ABCA7: variants seen among roughly 807,000 people sequenced by gnomAD.
ABCA7 encodes the protein phospholipid-transporting ATPase ABCA7.
In ABCA7, 261 loss-of-function variants were observed where a neutral mutation model predicts 227.6. The ratio of observed to expected loss-of-function variants is 1.15; its 90% CI spans 1.04 to 1.27. ABCA7 has a LOEUF of 1.27. ABCA7 is among the 50% of genes most tolerant of loss of function. ABCA7 has a pLI of 0.00. For synonymous variants in ABCA7, 1,488 were observed against 1,279.7 expected, an observed-to-expected ratio of 1.16 and a Z score of -3.47; for missense variants, 3,331 against 2,924.5, an observed-to-expected ratio of 1.14 and a Z score of -3.21.
At chr19:1,055,460 G>A in intron 30 of ABCA7, 109 bp downstream of exon 30, 1 of 1,331,658 alleles carries the variant, frequency 7.5e-7, no homozygotes, top group Non-Finnish European at 9.9e-7. Context: ...TGCCCAGCTT[G>A]GGGCTACGGG....
intron 40 of ABCA7, among the ~76,000 whole-genome samples, chr19:1,060,207 A>ATATTTTTTTTTTTT: frequency 1.0e-5 from 1 of 96,770 alleles, no homozygotes; most frequent in African/African-American, 3.5e-5. Context: ...ATATATATAT[A>ATATTTTTTTTTTTT]TTTTTTTTTC....
chr19:1,056,370 T>G lies in ABCA7; in HGVS notation c.4457T>G (p.Phe1486Cys). 1 of 1,613,402 alleles carries G rather than the reference T, an allele frequency of 6.2e-7. No homozygotes were observed. The highest frequency in any genetic ancestry group is 8.5e-7 in the Non-Finnish European group (1 of 1,179,974). Residue 1486 changes from phenylalanine to cysteine, a missense_variant, in exon 33 of 47, where the codon TTT (phenylalanine) becomes TGT (cysteine). Physicochemically the swap from Phe to Cys is radical, Grantham distance 205. Coordinates refer to ENST00000263094, the MANE Select transcript of ABCA7 (RefSeq NM_019112.4). The surrounding 1 kb of genome is among the most constrained non-coding windows in gnomAD (Gnocchi z 4.3). ...NNKGWHSMVA[F>C]VNRASNAILR... is the part of the protein sequence containing the mutation. ...AAAGGCTGGCACTCCATGGTGGCCT[T>G]TGTCAACCGAGCCAGCAACGCAATC...
Position 1,048,947 on chromosome 19 carries a change from G to A in ABCA7, c.2322G>A (p.Trp774Ter), listed in dbSNP as rs1245173863. Reference protein sequence around the residue: ...PWNFPFRRSYWCGPRPPKSPA... With the variant: ...PWNFPFRRSY ...ATTTTCCTTTTCGGAGGAGCTACTG[G>A]TGCGGACCTCGGCCCCCCAAGAGTC... The change falls in exon 17 of 47, where the codon TGG becomes TGA. Residue 774 changes from tryptophan to a stop codon, truncating the protein, a stop_gained. Transcript: ENST00000263094. LOFTEE classifies it high-confidence loss of function. The A allele has an allele frequency of 1.2e-6, 2 of 1,609,972 alleles. No homozygotes were observed. Among genetic ancestry groups the A allele is most frequent in the Admixed American group, 3.3e-5 (2 of 59,716 alleles).
chr19:1,051,156 C>G lies in ABCA7; in HGVS notation c.2686C>G (p.Leu896Val), dbSNP rs968081175. 31 of 1,611,180 alleles carry G rather than the reference C, an allele frequency of 1.9e-5. No individual in the cohort carries two copies. The highest frequency in any genetic ancestry group is 2.6e-5 in the Non-Finnish European group (31 of 1,179,926). Residue 896 changes from leucine to valine, a missense_variant and splice_region_variant, in exon 20 of 47, where the codon CTG becomes GTG. By Grantham distance (32) the Leu-to-Val change is conservative (BLOSUM62 1). Coordinates refer to ENST00000263094, the MANE Select transcript of ABCA7 (RefSeq NM_019112.4). ...CTCTGCTCTGTGCACTGGCCGCAGG[C>G]TGACCGTGGACGAGCACGTCTGGTT... is the stretch of plus-strand genomic sequence containing the variant. ...CPQYNVLFDMLTVDEHVWFYG... is the reference protein window; with the variant it reads ...CPQYNVLFDMVTVDEHVWFYG...
In ABCA7 at chr19:1,056,244, G is replaced by A. The variant is rs903942469; in HGVS notation, c.4416+1G>A. ...CCTGGATGCTCAGGACAGTCTCAAG[G>A]TGGGAACTGGGGGGGCAGGTGGGCG... is the stretch of plus-strand genomic sequence containing the variant. On this transcript the variant is annotated splice_donor_variant, in intron 32 of 46. Transcript: ENST00000263094. LOFTEE classifies it high-confidence loss of function. This position sits in a 1 kb window ranked among gnomAD's most constrained non-coding sequence, Gnocchi z 4.3. The A allele has an allele frequency of 1.3e-6, 2 of 1,592,310 alleles. No individual in the cohort carries two copies. Among genetic ancestry groups the A allele is most frequent in the South Asian group, 1.1e-5 (1 of 89,414 alleles).
rs771798639 is a variant in ABCA7 at position 1,043,768 on chromosome 19, G to C, written c.974G>C (p.Arg325Pro). 1 of 1,613,128 alleles carries C rather than the reference G, an allele frequency of 6.2e-7. No individual in the cohort carries two copies. Among genetic ancestry groups the C allele is most frequent in the South Asian group, 1.1e-5 (1 of 91,058 alleles). The change falls in exon 10 of 47, where the codon CGG becomes CCG. Residue 325 changes from arginine to proline, a missense_variant. Transcript: ENST00000263094. ...GAGCTCACCCTGCTGAGGGATGTCCGGGAGGTGTGGGAGATGCTGGGACCC... is the reference window on the plus strand; with the variant it reads ...GAGCTCACCCTGCTGAGGGATGTCCCGGAGGTGTGGGAGATGCTGGGACCC... ...FEELTLLRDVREVWEMLGPRI... is the reference protein window; with the variant it reads ...FEELTLLRDVPEVWEMLGPRI...
intron 16 of ABCA7, among the ~76,000 whole-genome samples, chr19:1,048,121 C>A (rs1287478886): frequency 6.6e-6 from 1 of 151,276 alleles, no homozygotes; most frequent in Non-Finnish European, 1.5e-5. Context: ...TCACTCGAGC[C>A]CAGGAGGTTG....
chr19:1,047,992 C>T (rs903978738), intron 16 of ABCA7, among the ~76,000 whole-genome samples: 1 of 151,760 alleles, frequency 6.6e-6, no homozygotes, highest in Non-Finnish European at 1.5e-5. Context: ...AGTTTGAGAC[C>T]AGGCTGGGCA....
rs1170993030 is a variant in ABCA7, at chr19:1,064,974, A to G, written c.6088A>G (p.Arg2030Gly). 1 of 1,553,132 alleles carries G rather than the reference A, an allele frequency of 6.4e-7. No individual in the cohort carries two copies. Among genetic ancestry groups the G allele is most frequent in the East Asian group, 2.4e-5 (1 of 41,068 alleles). The part of the protein sequence containing the change: ...HTLTLRVPAA[R>G]SQPAAAFVAA... ...ACTGACCCTGCGGGTGCCCGCCGCAAGGTCCCAGCCGGCAGCGGCCTTCGT... is the reference window on the plus strand; with the variant it reads ...ACTGACCCTGCGGGTGCCCGCCGCAGGGTCCCAGCCGGCAGCGGCCTTCGT... Residue 2030 changes from arginine (R) to glycine (G), a missense_variant, in exon 46 of 47, where the codon AGG becomes GGG. By Grantham distance (125) the Arg-to-Gly change is moderately radical (BLOSUM62 -2). Transcript: ENST00000263094.
rs763592674 is a variant in ABCA7 at position 1,056,085 on chromosome 19, G to A, written c.4258G>A (p.Gly1420Arg). The A allele has an allele frequency of 1.9e-6, 3 of 1,597,080 alleles. No individual in the cohort carries two copies. Among genetic ancestry groups the A allele is most frequent in the Non-Finnish European group, 2.6e-6 (3 of 1,170,588 alleles). Residue 1420 changes from glycine (G) to arginine (R), a missense_variant, in exon 32 of 47, where the codon GGG becomes AGG. Coordinates refer to ENST00000263094, the MANE Select transcript of ABCA7 (RefSeq NM_019112.4). The surrounding 1 kb of genome is among the most constrained non-coding windows in gnomAD (Gnocchi z 4.3). ...NEVRYGGFSL[G>R]GRDPGLPSGQ... Reference sequence around the variant, plus strand: ...CCACAGATACGGAGGCTTCTCGCTGGGGGGCCGAGACCCAGGCCTGCCCTC... The same window carrying A: ...CCACAGATACGGAGGCTTCTCGCTGAGGGGCCGAGACCCAGGCCTGCCCTC...
intron 40 of ABCA7, 25 bp downstream of exon 40, chr19:1,059,110 T>G: frequency 1.2e-6 from 2 of 1,607,490 alleles, no homozygotes; most frequent in Non-Finnish European, 1.7e-6. Context: ...GGAGGCCAGG[T>G]GCAGGGACAG....
intron 6 of ABCA7, 71 bp downstream of exon 6, chr19:1,042,468 C>G: frequency 1.3e-6 from 2 of 1,571,204 alleles, no homozygotes; most frequent in Non-Finnish European, 8.7e-7. Context: ...CACTGCCCCA[C>G]CCCGGGCCAA....
chr19:1,051,205 G>A lies in ABCA7; in HGVS notation c.2735G>A (p.Ser912Asn), dbSNP rs762600372. ...VWFYGRLKGL[S>N]AAVVGPEQDR... ...TTCTATGGGCGGCTGAAGGGTCTGA[G>A]TGCCGCTGTAGTGGGCCCCGAGCAG... is the stretch of plus-strand genomic sequence containing the variant. The change falls in exon 20 of 47, where the codon AGT becomes AAT. Residue 912 changes from serine (S) to asparagine (N), a missense_variant. Coordinates refer to ENST00000263094, the MANE Select transcript of ABCA7 (RefSeq NM_019112.4). 1 of 1,611,302 alleles carries A rather than the reference G, an allele frequency of 6.2e-7. No individual in the cohort carries two copies.
In ABCA7 at chr19:1,064,149, G is replaced by A. The variant is rs376428893; in HGVS notation, c.5952-12G>A. The A allele has an allele frequency of 2.1e-5, 33 of 1,550,962 alleles. No homozygotes were observed. Among genetic ancestry groups the A allele is most frequent in the East Asian group, 4.8e-5 (2 of 41,454 alleles). Reference sequence around the variant, plus strand: ...CCGGCCTCACGGAGCTCGTGGTGCCGGGTCCCGACAGCATGGAGGAGTGTG... The same window carrying A: ...CCGGCCTCACGGAGCTCGTGGTGCCAGGTCCCGACAGCATGGAGGAGTGTG... On this transcript the variant is annotated splice_polypyrimidine_tract_variant and intron_variant, in intron 44 of 46. Coordinates refer to ENST00000263094, the MANE Select transcript of ABCA7 (RefSeq NM_019112.4).
At chr19:1,052,768 C>T (rs2144852486) in intron 23 of ABCA7, among the ~76,000 whole-genome samples, 1 of 148,372 alleles carries the variant, frequency 6.7e-6, no homozygotes, top group South Asian at 2.2e-4. Context: ...AGATGATGCC[C>T]CCATCCCTGG....
Position 1,046,421 on chromosome 19 carries a change from C to G in ABCA7, c.1622+15C>G, listed in dbSNP as rs934212842. On this transcript the variant is annotated intron_variant, in intron 13 of 46. Transcript: ENST00000263094. ...GTGGACGACGTGTGAGCTCTGGCAC[C>G]CCTCCCCGCTCTTCCCCGCGGCGGG... The G allele has an allele frequency of 2.6e-6, 4 of 1,529,000 alleles. No homozygotes were observed. Among genetic ancestry groups the G allele is most frequent in the Middle Eastern group, 3.5e-4 (2 of 5,718 alleles). 94.7% of individuals were successfully genotyped at this position (1,529,000 alleles called of 1,614,324 possible).
chr19:1,041,247 T>C lies in ABCA7; in HGVS notation c.-115T>C. The stretch of plus-strand genomic sequence containing the variant: ...CAGAGCTTCCAGGAACCCTGCGCTG[T>C]GGGATAAAGGAATGAGGTTCAGAAA... On this transcript the variant is annotated 5_prime_UTR_variant, in exon 2 of 47. Coordinates refer to ENST00000263094, the MANE Select transcript of ABCA7 (RefSeq NM_019112.4). The C allele has an allele frequency of 9.4e-7, 1 of 1,064,892 alleles. No homozygotes were observed. The highest frequency in any genetic ancestry group is 1.4e-6 in the Non-Finnish European group (1 of 690,584). 66.0% of individuals were successfully genotyped at this position (1,064,892 alleles called of 1,614,324 possible).
In ABCA7 at chr19:1,043,162, T is replaced by G. The variant is rs373194295; in HGVS notation, c.701T>G (p.Val234Gly). ...LCSVRGPSST[V>G]GPSLNWYEAS... ...AGTGTCAGGGGACCTAGCAGCACAG[T>G]GGGCCCCTCCCTCAACTGGTACGAG... The change falls in exon 8 of 47, where the codon GTG (valine) becomes GGG (glycine). Residue 234 changes from valine (V) to glycine (G), a missense_variant. Val to Gly is a moderately radical substitution (Grantham distance 109). Coordinates refer to ENST00000263094, the MANE Select transcript of ABCA7 (RefSeq NM_019112.4). The G allele has an allele frequency of 3.1e-6, 5 of 1,611,708 alleles. No homozygotes were observed. The East Asian group carries it at 1.1e-4, about 36-fold the overall frequency.
rs747317835 is a variant in ABCA7 at position 1,058,895 on chromosome 19, AGGAGCCACCCAGGG to A, written c.5359_5372del (p.Ala1787CysfsTer20). 5.7e-6 allele frequency: 9 copies of A among 1,586,736 alleles called. No individual in the cohort carries two copies. The African/African-American group carries it at 9.4e-5, about 17-fold the overall frequency. On this transcript the variant is annotated frameshift_variant, in exon 39 of 47. Coordinates refer to ENST00000263094, the MANE Select transcript of ABCA7 (RefSeq NM_019112.4). LOFTEE classifies it high-confidence loss of function. ...CCCGTGAACGGGAGCGGGTGGTCCA[AGGAGCCACCCAGGG>A]GGATGTGTTGGTGCTGAGGAACTTG...
Sources: allele counts gnomAD v4.1 joint callset (sites outside exome capture counted in the v4.1 genomes callset), GRCh38; gene constraint gnomAD v4.1.1; non-coding constraint Gnocchi (gnomAD v3.1); transcripts MANE v1.5; gene names NCBI Gene and HGNC (gene_info 2026-07-23, HGNC 2026-07-21).